Variants in TMEM245 observed in about 807,000 individuals in gnomAD.
The protein encoded by TMEM245 is transmembrane protein 245.
In TMEM245, 69 loss-of-function variants were observed where a neutral mutation model predicts 101.2. That is an observed-to-expected ratio of 0.68 (90% CI 0.56 to 0.83). TMEM245 has a LOEUF of 0.83. Among genes scored for constraint, TMEM245 ranks in the 40% least tolerant of loss-of-function variants. TMEM245 has a pLI of 0.00. For synonymous variants in TMEM245, 537 were observed against 449.8 expected, an observed-to-expected ratio of 1.19 and a Z score of -2.45; for missense variants, 1,075 against 1,092.8, an observed-to-expected ratio of 0.98 and a Z score of 0.23.
intron 8 of TMEM245, among the ~76,000 whole-genome samples, chr9:109,078,815 T>C (rs2132513397): frequency 6.6e-6 from 1 of 152,340 alleles, no homozygotes; most frequent in Admixed American, 6.5e-5. Context: ...TTTTAGCAGT[T>C]ATTTCTTCAA....
intron 14 of TMEM245, among the ~76,000 whole-genome samples, chr9:109,045,687 A>T (rs1355702030): frequency 6.6e-6 from 1 of 152,238 alleles, no homozygotes; most frequent in Non-Finnish European, 1.5e-5. Flanking sequence ...TCGAAGCATC[A>T]CAATGAGAAA....
In TMEM245 at chr9:109,073,688, A is replaced by G. The variant is rs774626014; in HGVS notation, c.1450-250T>C. On this transcript the variant is annotated intron_variant, in intron 8 of 17. Transcript: ENST00000374586. ...ACTTAAGAAAAAAATACATAAATAG[A>G]TATGTTCAAATACTTGACACGTATA... Among the ~76,000 whole-genome samples, 3 of 152,314 alleles carry G rather than the reference A, an allele frequency of 2.0e-5. No individual in the cohort carries two copies. The South Asian group carries it at 6.2e-4, about 32-fold the overall frequency.
chr9:109,046,915 G>C (rs1828515276), intron 14 of TMEM245, among the ~76,000 whole-genome samples: 1 of 152,124 alleles, frequency 6.6e-6, no homozygotes, highest in Non-Finnish European at 1.5e-5. Flanking sequence ...TTCTCCACAG[G>C]AGAAAGCTCT....
At chr9:109,098,163 G>A (rs555441996) in intron 3 of TMEM245, among the ~76,000 whole-genome samples, 51 of 152,138 alleles carry the variant, frequency 3.4e-4, no homozygotes, top group Middle Eastern at 3.4e-3. Context: ...AAAATATCTT[G>A]TATCTGTAGA....
chr9:109,028,451 T>C (rs1283098429), intron 17 of TMEM245, among the ~76,000 whole-genome samples: 4 of 76,292 alleles, frequency 5.2e-5, no homozygotes, highest in African/African-American at 1.3e-4. Context: ...TGACACTCCA[T>C]CTCAAAAAAA....
At chr9:109,075,906 T>C (rs923945859) in intron 8 of TMEM245, among the ~76,000 whole-genome samples, 4 of 152,238 alleles carry the variant, frequency 2.6e-5, no homozygotes, top group African/African-American at 4.8e-5. Context: ...AATTTGCTAT[T>C]ATTTGCTAGC....
At chr9:109,109,366 C>T (rs930411559) in intron 1 of TMEM245, among the ~76,000 whole-genome samples, 1 of 151,266 alleles carries the variant, frequency 6.6e-6, no homozygotes, top group African/African-American at 2.4e-5. Flanking sequence ...ATCCAGAACA[C>T]ATCTGAGCAC....
chr9:109,104,134 A>C (rs1830347622), intron 3 of TMEM245, among the ~76,000 whole-genome samples: 1 of 152,130 alleles, frequency 6.6e-6, no homozygotes, highest in Admixed American at 6.6e-5. Flanking sequence ...ATTTGATAGC[A>C]TAACAGGGTG....
In TMEM245 at chr9:109,064,536, C is replaced by T. The variant is rs755421568; in HGVS notation, c.1564G>A (p.Ala522Thr). The change falls in exon 10 of 18, where the codon GCC (alanine) becomes ACC (threonine). Residue 522 changes from alanine to threonine, a missense_variant. Around this residue, in one of 2 missense-constraint regions of TMEM245, gnomAD observed 808 missense variants for 741.5 expected, o/e 1.09. Coordinates refer to ENST00000374586, the MANE Select transcript of TMEM245 (RefSeq NM_032012.4). ...WLPEAQVVQR[A>T]LNSAANNVYQ... The stretch of plus-strand genomic sequence containing the variant: ...ACGTTGTTAGCCGCAGAATTCAGGG[C>T]TCTTTGGACTACCTGAGCCTCAGGA... 8 of 1,613,864 alleles carry T rather than the reference C, an allele frequency of 5.0e-6. No homozygotes were observed. The Admixed American group carries it at 1.3e-4, about 27-fold the overall frequency.
intron 3 of TMEM245, among the ~76,000 whole-genome samples, chr9:109,104,300 C>G (rs966024126): frequency 1.5e-4 from 23 of 151,662 alleles, no homozygotes; most frequent in Non-Finnish European, 3.4e-4. Flanking sequence ...TCCATGTACC[C>G]CATAAATATA....
intron 3 of TMEM245, among the ~76,000 whole-genome samples, chr9:109,102,228 A>T (rs1830299453): frequency 6.6e-6 from 1 of 152,244 alleles, no homozygotes; most frequent in South Asian, 2.1e-4. Flanking sequence ...CAGGCTGAAC[A>T]AAGAAAACTT....
chr9:109,017,467 A>G lies in TMEM245; in HGVS notation c.*2993T>C, dbSNP rs1021532570. The G allele has an allele frequency of 3.9e-5, 6 of 152,356 alleles. No homozygotes were observed. The highest frequency in any genetic ancestry group is 9.6e-5 in the African/African-American group (4 of 41,588). The allele number at this position is 152,356 out of a possible 1,614,324, so 9.4% of individuals were successfully genotyped here. On this transcript the variant is annotated 3_prime_UTR_variant, in exon 18 of 18. Coordinates refer to ENST00000374586, the MANE Select transcript of TMEM245 (RefSeq NM_032012.4). ...ACTTCAGAACTCAAACAGCACTCAC[A>G]TAACATGGAATTTATGCTGAAAATC... is the stretch of plus-strand genomic sequence containing the variant.
chr9:109,059,435 G>C (rs971013016), intron 11 of TMEM245, among the ~76,000 whole-genome samples: 7 of 151,954 alleles, frequency 4.6e-5, no homozygotes, highest in Non-Finnish European at 8.8e-5. Context: ...TCTATACACA[G>C]CACGGCTCCT....
intron 8 of TMEM245, 59 bp downstream of exon 8, chr9:109,080,780 A>G: frequency 9.2e-7 from 1 of 1,088,334 alleles, no homozygotes; most frequent in Admixed American, 2.3e-5. Flanking sequence ...CTTTTAATCC[A>G]GACTACAATT....
At chr9:109,118,932 G>A (rs1830808288) in intron 1 of TMEM245, among the ~76,000 whole-genome samples, 1 of 152,124 alleles carries the variant, frequency 6.6e-6, no homozygotes, top group African/African-American at 2.4e-5. Flanking sequence ...AATCTCTAAG[G>A]TCCCTTCCAG....
intron 9 of TMEM245, among the ~76,000 whole-genome samples, chr9:109,070,280 C>G (rs895266647): frequency 4.6e-5 from 7 of 152,324 alleles, no homozygotes; most frequent in Middle Eastern, 6.8e-3. Context: ...CAACAGCCTA[C>G]TGGATGCCTC....
At chr9:109,108,870 C>A (rs1387096793) in intron 1 of TMEM245, among the ~76,000 whole-genome samples, 3 of 151,978 alleles carry the variant, frequency 2.0e-5, no homozygotes, top group Non-Finnish European at 4.4e-5. Flanking sequence ...AAAGCATAAA[C>A]CATGGATTTA....
chr9:109,100,737 T>C (rs1241910260), intron 3 of TMEM245, among the ~76,000 whole-genome samples: 1 of 152,252 alleles, frequency 6.6e-6, no homozygotes, highest in African/African-American at 2.4e-5. Context: ...TATCTTCATC[T>C]GTAAATGAAG....
chr9:109,037,413 T>C (rs1484591098), intron 15 of TMEM245, among the ~76,000 whole-genome samples: 2 of 152,218 alleles, frequency 1.3e-5, no homozygotes, highest in Non-Finnish European at 2.9e-5. Context: ...TTTGGATCTG[T>C]GTCCCCACCA....
Sources: allele counts gnomAD v4.1 joint callset (sites outside exome capture counted in the v4.1 genomes callset), GRCh38; gene constraint gnomAD v4.1.1; regional missense constraint gnomAD v4.1.1; transcripts MANE v1.5; gene names NCBI Gene and HGNC (gene_info 2026-07-23, HGNC 2026-07-21).